The following LIFR variants were observed in gnomAD, a reference collection of about 807,000 sequenced individuals.
LIFR encodes the protein leukemia inhibitory factor receptor.
Under a neutral mutation model 122.2 loss-of-function variants are expected in LIFR, and 84 were observed. The ratio of observed to expected loss-of-function variants is 0.69; its 90% confidence interval spans 0.58 to 0.82. LIFR has a LOEUF of 0.82. Ranked by LOEUF, LIFR falls within the 40% of genes least tolerant of loss-of-function variation. The probability of loss-of-function intolerance (pLI) is 0.00; values close to 1 mark genes in which losing one functional copy is unlikely to be tolerated. For missense variants in LIFR, 1,294 were observed against 1,311.6 expected (o/e 0.99, Z 0.21); for synonymous variants, 422 against 434.7 (o/e 0.97, Z 0.36).
intron 1 of LIFR, among the ~76,000 whole-genome samples, chr5:38,568,946 C>G (rs1380205309): frequency 6.6e-6 from 1 of 152,178 alleles, no homozygotes; most frequent in African/African-American, 2.4e-5. Flanking sequence ...CAGAGCTGTC[C>G]TGAGCTGTGG....
chr5:38,597,777 G>T (rs530448646), upstream of LIFR, among the ~76,000 whole-genome samples: 1 of 152,298 alleles, frequency 6.6e-6, no homozygotes, highest in Non-Finnish European at 1.5e-5. Context: ...GCGTGGCAGT[G>T]GTGGGGAGGG....
rs766750299 is a variant in LIFR at position 38,481,734 on chromosome 5, C to T, written c.3155G>A (p.Ser1052Asn). The T allele has an allele frequency of 1.9e-6, 3 of 1,614,036 alleles. No homozygotes were observed. The highest frequency in any genetic ancestry group is 1.1e-5 in the South Asian group (1 of 91,080). The stretch of plus-strand genomic sequence containing the variant: ...TGGACTTCCAAATGAGACAATCTCA[C>T]TGTTGCTGTCTATGGATCTAGGAGA... Reference protein sequence around the residue: ...PDSPRSIDSNSEIVSFGSPCS... With the variant: ...PDSPRSIDSNNEIVSFGSPCS... Residue 1052 changes from serine (S) to asparagine (N), a missense_variant, in exon 20 of 20, where the codon AGT becomes AAT. Ser to Asn is a conservative substitution (Grantham distance 46, BLOSUM62 1). Coordinates refer to ENST00000453190, the MANE Select transcript of LIFR (RefSeq NM_001127671.2).
chr5:38,563,722 G>A (rs1218203725), intron 1 of LIFR, among the ~76,000 whole-genome samples: 1 of 152,136 alleles, frequency 6.6e-6, no homozygotes. Flanking sequence ...AGGGAGGGCT[G>A]TCATCTCCAT....
At chr5:38,515,348 C>T (rs1006784656) in intron 5 of LIFR, among the ~76,000 whole-genome samples, 3 of 151,264 alleles carry the variant, frequency 2.0e-5, no homozygotes, top group Non-Finnish European at 2.9e-5. Context: ...GAGATTTATT[C>T]GCAAAGATAA....
chr5:38,486,641 CT>C (rs1251557600), intron 16 of LIFR, among the ~76,000 whole-genome samples: 1 of 152,166 alleles, frequency 6.6e-6, no homozygotes, highest in African/African-American at 2.4e-5. Context: ...AGCTCCTCCC[CT>C]CGCCCCCTAC....
At chr5:38,492,311 A>G (rs1744637944) in intron 14 of LIFR, among the ~76,000 whole-genome samples, 1 of 152,206 alleles carries the variant, frequency 6.6e-6, no homozygotes, top group Non-Finnish European at 1.5e-5. Context: ...CAGCTTCCCC[A>G]TATCCTGCAG....
intron 1 of LIFR, among the ~76,000 whole-genome samples, chr5:38,545,570 TAAC>T (rs1294045511): frequency 1.3e-5 from 2 of 151,808 alleles, no homozygotes; most frequent in African/African-American, 4.8e-5. Context: ...TTTAAAAAAA[TAAC>T]AATCCAGGGC....
intron 10 of LIFR, 54 bp from the exon 11 acceptor site, chr5:38,502,853 A>C: frequency 9.9e-7 from 1 of 1,008,506 alleles, no homozygotes; most frequent in Non-Finnish European, 1.4e-6. Flanking sequence ...GTATGAATAC[A>C]TATATATATA....
rs529170488 is a variant in LIFR, at chr5:38,506,707, T to C, written c.992-75A>G. 1.9e-5 allele frequency: 24 copies of C among 1,252,694 alleles called. No individual in the cohort carries two copies. The African/African-American group carries it at 3.1e-4, about 16-fold the overall frequency. The allele number at this position is 1,252,694 out of a possible 1,614,324, so 77.6% of individuals were successfully genotyped here. On this transcript the variant is annotated intron_variant, in intron 7 of 19. Coordinates refer to ENST00000453190, the MANE Select transcript of LIFR (RefSeq NM_001127671.2). ...AAACATAATATTTTATAAACGTCAA[T>C]GTTTTCCACAATTTCCTAAAAAATG...
chr5:38,511,773 T>C lies in LIFR; in HGVS notation c.736+17A>G. On this transcript the variant is annotated intron_variant, in intron 6 of 19. Coordinates refer to ENST00000453190, the MANE Select transcript of LIFR (RefSeq NM_001127671.2). Reference sequence around the variant, plus strand: ...TTTAATTCATCTGAAACAAACATTCTTTAAATATAAGCTTACAAGAAATGT... The same window carrying C: ...TTTAATTCATCTGAAACAAACATTCCTTAAATATAAGCTTACAAGAAATGT... The C allele has an allele frequency of 6.2e-7, 1 of 1,611,056 alleles. No homozygotes were observed. Among genetic ancestry groups the C allele is most frequent in the African/African-American group, 1.3e-5 (1 of 74,986 alleles).
intron 11 of LIFR, among the ~76,000 whole-genome samples, chr5:38,499,995 G>C (rs192445504): frequency 6.6e-6 from 1 of 152,180 alleles, no homozygotes; most frequent in East Asian, 1.9e-4. Flanking sequence ...CATGCTTCCT[G>C]ATCTTTGTAT....
At chr5:38,589,978 C>G (rs930768412) in intron 1 of LIFR, among the ~76,000 whole-genome samples, 4 of 152,146 alleles carry the variant, frequency 2.6e-5, no homozygotes, top group Admixed American at 1.3e-4. Context: ...TTCTTACAAA[C>G]CCGGGACACG....
At chr5:38,542,461 A>T (rs1747643189) in intron 1 of LIFR, among the ~76,000 whole-genome samples, 1 of 152,102 alleles carries the variant, frequency 6.6e-6, no homozygotes, top group Non-Finnish European at 1.5e-5. Flanking sequence ...AGTCGGGCCT[A>T]GTTGGGGCCT....
chr5:38,605,983 A>G (rs1455351632), intron 2 of LIFR, among the ~76,000 whole-genome samples: 2 of 152,194 alleles, frequency 1.3e-5, no homozygotes, highest in Non-Finnish European at 2.9e-5. Flanking sequence ...TGTCATGGGT[A>G]TGTGTCCTTA....
intron 13 of LIFR, 91 bp from the exon 14 acceptor site, chr5:38,493,876 T>G (rs1425811814): frequency 2.9e-6 from 3 of 1,023,336 alleles, no homozygotes; most frequent in South Asian, 1.3e-5. Context: ...GAAAAATCAC[T>G]TCATTGTGAA....
intron 5 of LIFR, among the ~76,000 whole-genome samples, chr5:38,521,496 C>A (rs1177403447): frequency 6.6e-6 from 1 of 152,142 alleles, no homozygotes; most frequent in African/African-American, 2.4e-5. Context: ...GTCTTTGGGT[C>A]CCGGCAGTGG....
At chr5:38,498,713 T>C (rs189954192) in intron 12 of LIFR, among the ~76,000 whole-genome samples, 7 of 152,314 alleles carry the variant, frequency 4.6e-5, no homozygotes, top group Admixed American at 4.6e-4. Flanking sequence ...TGTATAATCG[T>C]TGCTATATTA....
intron 19 of LIFR, 88 bp from the exon 20 acceptor site, chr5:38,482,306 A>T (rs967592511): frequency 7.6e-7 from 1 of 1,312,752 alleles, no homozygotes; most frequent in Non-Finnish European, 1.0e-6. Context: ...ATTTTTCCCC[A>T]ATCTGCTTGT....
In LIFR at chr5:38,504,112, T is replaced by G. The variant is rs774226160; in HGVS notation, c.1301A>C (p.His434Pro). 2 of 1,565,528 alleles carry G rather than the reference T, an allele frequency of 1.3e-6. No individual in the cohort carries two copies. Among genetic ancestry groups the G allele is most frequent in the Admixed American group, 1.7e-5 (1 of 59,870 alleles). Residue 434 changes from histidine to proline, a missense_variant, in exon 10 of 20, where the codon CAT becomes CCT. His to Pro is a moderately conservative substitution (Grantham distance 77, BLOSUM62 -2). Transcript: ENST00000453190. The stretch of plus-strand genomic sequence containing the variant: ...CTTCACTTTGAATGAAGTAGGAGTA[T>G]GGGGATAAACTGCAAATATAATTTT... ...LVNITEKVYP[H>P]TPTSFKVKDI... is the part of the protein sequence containing the mutation.
Sources: gnomAD v4.1 joint callset for allele counts (sites outside exome capture counted in the v4.1 genomes callset) on GRCh38, gnomAD v4.1.1 for gene constraint, MANE v1.5 for transcripts, NCBI Gene and HGNC (gene_info 2026-07-23, HGNC 2026-07-21) for gene names.